Variants in LRP1B observed in about 807,000 individuals in gnomAD.
LRP1B encodes low-density lipoprotein receptor-related protein 1B.
Under a neutral mutation model 556.6 loss-of-function variants are expected in LRP1B, and 217 were observed. That is an observed-to-expected ratio of 0.39 (90% CI 0.35 to 0.44). The LOEUF (loss-of-function observed/expected upper bound fraction) is 0.44. LRP1B is among the 20% of genes least tolerant of loss of function. LRP1B has a pLI of 1.00. For missense variants in LRP1B, 5,053 were observed against 5,620.8 expected (o/e 0.90, Z 3.23); for synonymous variants, 2,047 against 1,865.8 (o/e 1.10, Z -2.50).
At chr2:141,078,708 G>A (rs77398697) in intron 7 of LRP1B, among the ~76,000 whole-genome samples, 4,962 of 152,198 alleles carry the variant, frequency 0.033, 92 homozygotes, top group South Asian at 0.073. Flanking sequence ...AGTTGTCCCA[G>A]GCAATGTGTT....
chr2:140,529,694 A>G (rs1192451097), intron 47 of LRP1B, among the ~76,000 whole-genome samples: 3 of 152,022 alleles, frequency 2.0e-5, no homozygotes, highest in Admixed American at 6.6e-5. Context: ...GCTAGTTCCC[A>G]GTCTACCTAA....
chr2:140,742,325 A>G (rs560850701), intron 35 of LRP1B, among the ~76,000 whole-genome samples: 1 of 152,190 alleles, frequency 6.6e-6, no homozygotes, highest in Admixed American at 6.5e-5. Context: ...ATTCTTCTTC[A>G]TGTAGTTCTT....
chr2:141,790,519 A>G (rs1485926652), intron 2 of LRP1B, among the ~76,000 whole-genome samples: 2 of 151,904 alleles, frequency 1.3e-5, no homozygotes, highest in Non-Finnish European at 2.9e-5. Context: ...CCCAGCTTGA[A>G]CAACAGTAGT....
chr2:140,799,419 C>A (rs887941540), intron 32 of LRP1B, among the ~76,000 whole-genome samples: 8 of 152,146 alleles, frequency 5.3e-5, no homozygotes, highest in Admixed American at 5.2e-4. Context: ...TTCACCTGCA[C>A]CTTGACTTTG....
At chr2:141,517,889 T>A (rs1461195282) in intron 2 of LRP1B, among the ~76,000 whole-genome samples, 1 of 152,188 alleles carries the variant, frequency 6.6e-6, no homozygotes, top group Admixed American at 6.5e-5. Flanking sequence ...AACTCCTTTC[T>A]TTTGAAGCAA....
intron 43 of LRP1B, among the ~76,000 whole-genome samples, chr2:140,554,737 A>G (rs905425315): frequency 2.0e-5 from 3 of 152,064 alleles, no homozygotes; most frequent in East Asian, 1.9e-4. Flanking sequence ...AAACATACTT[A>G]ACTTTCAATA....
intron 1 of LRP1B, among the ~76,000 whole-genome samples, chr2:141,932,326 T>C (rs1700531305): frequency 6.6e-6 from 1 of 152,002 alleles, no homozygotes; most frequent in Non-Finnish European, 1.5e-5. Flanking sequence ...AAAGAGGAAT[T>C]AAAAAATGAC....
chr2:142,088,974 C>CAAAAAAAAAAAAA (rs1289382985), intron 1 of LRP1B, among the ~76,000 whole-genome samples: 3 of 39,688 alleles, frequency 7.6e-5, no homozygotes, highest in South Asian at 1.2e-3. Flanking sequence ...GGCTCCGTCT[C>CAAAAAAAAAAAAA]AAAAAAAAAA....
chr2:141,143,186 C>T (rs1007183884), intron 7 of LRP1B, among the ~76,000 whole-genome samples: 2 of 152,138 alleles, frequency 1.3e-5, no homozygotes, highest in Non-Finnish European at 2.9e-5. Flanking sequence ...CACTCGGCCT[C>T]CCAAAGTGTT....
At chr2:141,043,352 G>A (rs1290433273) in intron 11 of LRP1B, among the ~76,000 whole-genome samples, 6 of 151,926 alleles carry the variant, frequency 3.9e-5, no homozygotes, top group Middle Eastern at 3.4e-3. Context: ...TATGACTTAC[G>A]ACTTGAAGTA....
In LRP1B at chr2:140,495,608, A is replaced by G; in HGVS notation, c.8991T>C (p.Tyr2997=). 1 of 1,607,708 alleles carries G rather than the reference A, an allele frequency of 6.2e-7. No homozygotes were observed. The highest frequency in any genetic ancestry group is 8.5e-7 in the Non-Finnish European group (1 of 1,175,200). The change falls in exon 56 of 91, where the codon TAT becomes TAC. Residue 2997 remains tyrosine (Y), a synonymous_variant. Coordinates refer to ENST00000389484, the MANE Select transcript of LRP1B (RefSeq NM_018557.3). ...GTYKCLCTDG[Y]EIQPDNPNGC... ...CATTTGGGTTATCAGGTTGTATTTC[A>G]TACCCATCTGTACAGAGGCACTTGT...
In LRP1B at chr2:141,572,177, G is replaced by A. The variant is rs1476108894; in HGVS notation, c.206-91644C>T. ...AAGGAAAAACTCTTGAGGGCAGCCA[G>A]AGAGAAATGTCAGGTCACCTACAAA... On this transcript the variant is annotated intron_variant, in intron 2 of 90. Transcript: ENST00000389484. Among the ~76,000 whole-genome samples the A allele has an allele frequency of 2.0e-5, 3 of 152,182 alleles. No homozygotes were observed. In the East Asian group the frequency reaches 5.8e-4, roughly 29 times the overall value.
At chr2:140,394,116 T>C (rs922042525) in intron 66 of LRP1B, among the ~76,000 whole-genome samples, 3 of 147,730 alleles carry the variant, frequency 2.0e-5, no homozygotes, top group African/African-American at 7.5e-5. Context: ...TAGGGTTTAC[T>C]GGCACATATT....
intron 18 of LRP1B, among the ~76,000 whole-genome samples, chr2:140,958,721 C>G (rs1573922290): frequency 6.6e-6 from 1 of 151,520 alleles, no homozygotes; most frequent in Admixed American, 6.6e-5. Context: ...CACATAAACA[C>G]CGTAGTGAAA....
At chr2:141,646,353 T>C (rs1174005713) in intron 2 of LRP1B, among the ~76,000 whole-genome samples, 1 of 152,146 alleles carries the variant, frequency 6.6e-6, no homozygotes, top group Non-Finnish European at 1.5e-5. Flanking sequence ...TAAAATTTGT[T>C]TAAGAGCCAA....
intron 83 of LRP1B, among the ~76,000 whole-genome samples, chr2:140,311,529 G>C (rs1228386281): frequency 6.6e-6 from 1 of 151,802 alleles, no homozygotes; most frequent in Non-Finnish European, 1.5e-5. Flanking sequence ...GGAAGGGTGG[G>C]AGGAGGGTAA....
At chr2:141,496,012 CTG>C (rs1330298741) in intron 2 of LRP1B, among the ~76,000 whole-genome samples, 3 of 151,954 alleles carry the variant, frequency 2.0e-5, no homozygotes, top group Admixed American at 2.0e-4. Context: ...CATGGAAACA[CTG>C]TTATATTATT....
intron 41 of LRP1B, chr2:140,683,511 T>A (rs1017096701): frequency 5.1e-6 from 3 of 593,354 alleles, no homozygotes; most frequent in Non-Finnish European, 9.7e-6. Context: ...AACGCTCCCC[T>A]GGATGTCGTC....
chr2:142,115,474 A>ATATATATAATATAT, intron 1 of LRP1B, among the ~76,000 whole-genome samples: 1 of 63,722 alleles, frequency 1.6e-5, no homozygotes, highest in Non-Finnish European at 3.5e-5. Context: ...TATATATTAC[A>ATATATATAATATAT]TACATATAAT....
Sources: gnomAD v4.1 joint callset for allele counts (sites outside exome capture counted in the v4.1 genomes callset) on GRCh38, gnomAD v4.1.1 for gene constraint, MANE v1.5 for transcripts, NCBI Gene and HGNC (gene_info 2026-07-23, HGNC 2026-07-21) for gene names.